Variants in ROBO2 observed in about 807,000 individuals in gnomAD.
ROBO2 encodes the protein roundabout homolog 2.
Under a neutral mutation model 160.8 loss-of-function variants are expected in ROBO2, and 53 were observed. That is an observed-to-expected ratio of 0.33 (90% CI 0.26 to 0.41). The LOEUF (loss-of-function observed/expected upper bound fraction) is 0.41, where lower values mean the gene tolerates loss of function less well. Among genes scored for constraint, ROBO2 ranks in the 10% least tolerant of loss-of-function variants. The pLI is 1.00. For missense variants in ROBO2, 1,577 were observed against 1,722.4 expected, an observed-to-expected ratio of 0.92 and a Z score of 1.49; for synonymous variants, 664 against 611.7, an observed-to-expected ratio of 1.09 and a Z score of -1.26.
At chr3:76,502,326 C>G (rs990439506) in intron 2 of ROBO2, among the ~76,000 whole-genome samples, 8 of 152,174 alleles carry the variant, frequency 5.3e-5, no homozygotes, top group African/African-American at 1.9e-4. Flanking sequence ...TGTTATGTCA[C>G]CCAATCCTGT....
At chr3:77,622,461 T>C in intron 23 of ROBO2, 29 bp downstream of exon 24, 3 of 1,597,954 alleles carry the variant, frequency 1.9e-6, no homozygotes, top group African/African-American at 1.3e-5. Context: ...TAGGAAAAAC[T>C]GACCTATTGG....
chr3:77,578,177 C>T (rs181530493), intron 15 of ROBO2, among the ~76,000 whole-genome samples: 2 of 152,114 alleles, frequency 1.3e-5, no homozygotes, highest in African/African-American at 4.8e-5. Context: ...TCTCATTTTT[C>T]AACTGATGAA....
chr3:76,552,817 G>A (rs1578099020), intron 2 of ROBO2, among the ~76,000 whole-genome samples: 1 of 152,284 alleles, frequency 6.6e-6, no homozygotes, highest in Non-Finnish European at 1.5e-5. Flanking sequence ...CCATTTAGTT[G>A]GTTACATAAC....
intron 2 of ROBO2, among the ~76,000 whole-genome samples, chr3:76,882,374 T>A (rs1200234544): frequency 1.3e-5 from 2 of 152,208 alleles, no homozygotes; most frequent in Admixed American, 6.5e-5. Flanking sequence ...GCTGAGTTTA[T>A]CTTTCTCGGT....
intron 2 of ROBO2, among the ~76,000 whole-genome samples, chr3:76,101,081 A>G (rs9815472): frequency 0.67 from 102,111 of 151,886 alleles, 35,538 homozygotes; most frequent in African/African-American, 0.86. Context: ...TAAAAGAACC[A>G]AGAGGCAAGA....
At chr3:76,917,830 G>A (rs1052940544) in intron 2 of ROBO2, among the ~76,000 whole-genome samples, 22 of 152,124 alleles carry the variant, frequency 1.4e-4, no homozygotes, top group Non-Finnish European at 1.5e-5. Flanking sequence ...ATGAGCAGGT[G>A]TAAAGACAGT....
chr3:77,305,529 T>C (rs2063027769), intron 2 of ROBO2, among the ~76,000 whole-genome samples: 1 of 152,212 alleles, frequency 6.6e-6, no homozygotes, highest in African/African-American at 2.4e-5. Flanking sequence ...GTTGAGATAT[T>C]GTCTGTTCCC....
intron 2 of ROBO2, among the ~76,000 whole-genome samples, chr3:76,310,810 G>A (rs1401778622): frequency 6.6e-6 from 1 of 152,174 alleles, no homozygotes; most frequent in Non-Finnish European, 1.5e-5. Flanking sequence ...ACCCACCCAA[G>A]TGGCGGTGAC....
chr3:76,896,990 G>A (rs2074836561), intron 2 of ROBO2, among the ~76,000 whole-genome samples: 2 of 152,164 alleles, frequency 1.3e-5, no homozygotes, highest in African/African-American at 4.8e-5. Flanking sequence ...TTATTCCACT[G>A]TGTGGACAGT....
intron 2 of ROBO2, among the ~76,000 whole-genome samples, chr3:76,931,921 T>G (rs568197993): frequency 8.5e-5 from 13 of 152,254 alleles, no homozygotes; most frequent in African/African-American, 3.1e-4. Flanking sequence ...CCTCAGGTGA[T>G]CTACCTGCCT....
At chr3:75,965,749 C>T (rs1949086965) in intron 2 of ROBO2, among the ~76,000 whole-genome samples, 2 of 151,486 alleles carry the variant, frequency 1.3e-5, no homozygotes, top group African/African-American at 4.8e-5. Flanking sequence ...AGAAAGATGA[C>T]CAAAGCACAT....
intron 2 of ROBO2, among the ~76,000 whole-genome samples, chr3:76,441,303 A>G (rs984953467): frequency 6.6e-6 from 1 of 152,224 alleles, no homozygotes; most frequent in Non-Finnish European, 1.5e-5. Context: ...ACATTCTGGT[A>G]AACCTATGAA....
chr3:76,037,374 C>T (rs2067144567), intron 2 of ROBO2, among the ~76,000 whole-genome samples: 1 of 151,338 alleles, frequency 6.6e-6, no homozygotes, highest in African/African-American at 2.4e-5. Flanking sequence ...TCTGCTGCCT[C>T]AGCCTCCCAA....
At chr3:76,275,889 G>A (rs1057428220) in intron 2 of ROBO2, among the ~76,000 whole-genome samples, 2 of 152,042 alleles carry the variant, frequency 1.3e-5, no homozygotes, top group Admixed American at 1.3e-4. Context: ...AAAGCAATGT[G>A]CTTATAAAAT....
At chr3:76,048,722 A>G (rs2107802057) in intron 2 of ROBO2, among the ~76,000 whole-genome samples, 2 of 152,306 alleles carry the variant, frequency 1.3e-5, no homozygotes, top group Admixed American at 1.3e-4. Flanking sequence ...AAGCTTAGAC[A>G]CATGTGCATC....
chr3:76,677,232 A>T (rs2092433931), intron 2 of ROBO2, among the ~76,000 whole-genome samples: 1 of 152,056 alleles, frequency 6.6e-6, no homozygotes, highest in Non-Finnish European at 1.5e-5. Flanking sequence ...AGAAAAAAGG[A>T]GGTAGGAGGG....
intron 2 of ROBO2, among the ~76,000 whole-genome samples, chr3:76,567,767 G>C (rs201955383): frequency 0.016 from 1,091 of 69,490 alleles, 7 homozygotes; most frequent in Non-Finnish European, 0.018. Context: ...ATCTGTCTGT[G>C]TGTGTGTGTG....
intron 2 of ROBO2, among the ~76,000 whole-genome samples, chr3:76,719,464 T>C (rs1471989062): frequency 6.6e-6 from 1 of 152,154 alleles, no homozygotes; most frequent in Admixed American, 6.5e-5. Flanking sequence ...TCCTCCTGAA[T>C]AGCTAGCACT....
At chr3:77,413,733 A>G (rs2153524407) in intron 2 of ROBO2, among the ~76,000 whole-genome samples, 1 of 152,358 alleles carries the variant, frequency 6.6e-6, no homozygotes, top group South Asian at 2.1e-4. Context: ...TAAAGGAAGA[A>G]CGAGAGTCAA....
Sources: gnomAD v4.1 joint callset for allele counts (sites outside exome capture counted in the v4.1 genomes callset) on GRCh38, gnomAD v4.1.1 for gene constraint, MANE v1.5 for transcripts, NCBI Gene and HGNC (gene_info 2026-07-23, HGNC 2026-07-21) for gene names.